Variants in NSD2 observed in about 807,000 individuals in gnomAD.
NSD2 encodes the protein histone-lysine N-methyltransferase NSD2.
In NSD2, 12 loss-of-function variants were observed where a neutral mutation model predicts 139.0. The observed-to-expected ratio is 0.09, with a 90% CI of 0.06 to 0.14. The LOEUF is 0.14. NSD2 is among the 10% of genes least tolerant of loss of function. NSD2 has a pLI of 1.00. For synonymous variants in NSD2, 669 were observed against 648.7 expected (o/e 1.03, Z -0.48); for missense variants, 1,155 against 1,745.0 (o/e 0.66, Z 6.02).
At position 1,971,197 on chromosome 4, in the gene NSD2, A is replaced by T. The variant is rs572211378; in HGVS notation, c.3373-3666A>T. 2.7e-4 allele frequency among the ~76,000 whole-genome samples: 41 copies of T among 150,388 alleles called. 1 individual carries two copies. The highest frequency in any genetic ancestry group is 3.4e-3 in the Middle Eastern group (1 of 290). On this transcript the variant is annotated intron_variant, in intron 18 of 21. Coordinates refer to ENST00000508803, the MANE Select transcript of NSD2 (RefSeq NM_001042424.3). ...AACATAGGGAGACCCTGTCTCAATT[A>T]AAAAAAAATTGTGGCCAAAGGTATG...
intron 9 of NSD2, chr4:1,946,796 TC>T: frequency 9.5e-7 from 1 of 1,054,014 alleles, no homozygotes; most frequent in Non-Finnish European, 1.1e-6. Flanking sequence ...GGAGCATGCT[TC>T]CTTTGGGACA....
At chr4:1,875,237 G>A (rs1445320373) in intron 1 of NSD2, among the ~76,000 whole-genome samples, 1 of 151,218 alleles carries the variant, frequency 6.6e-6, no homozygotes. Context: ...GGGATTACAA[G>A]TGTGAACCAC....
chr4:1,942,016 C>A lies in NSD2; in HGVS notation c.1881+2238C>A. 1 of 1,145,286 alleles carries A rather than the reference C, an allele frequency of 8.7e-7. No individual in the cohort carries two copies. The highest frequency in any genetic ancestry group is 4.4e-5 in the Admixed American group (1 of 22,592). The allele number at this position is 1,145,286 out of a possible 1,614,324, so 70.9% of individuals were successfully genotyped here. ...ACTGACACACACCCATTGGGTCACA[C>A]CCCCTTTGCATGTTTGTATTTCCTC... On this transcript the variant is annotated intron_variant, in intron 9 of 21. Coordinates refer to ENST00000508803, the MANE Select transcript of NSD2 (RefSeq NM_001042424.3). This position sits in a 1 kb window ranked among gnomAD's most constrained non-coding sequence, Gnocchi z 4.0.
At chr4:1,947,678 T>C in intron 9 of NSD2, 1 of 1,054,914 alleles carries the variant, frequency 9.5e-7, no homozygotes, top group Non-Finnish European at 1.1e-6. Context: ...CTGTTGTCAT[T>C]TGTAAACGCA....
intron 3 of NSD2, among the ~76,000 whole-genome samples, chr4:1,916,336 C>CT (rs1376487968): frequency 2.6e-5 from 4 of 152,000 alleles, no homozygotes; most frequent in South Asian, 2.1e-4. Context: ...TTTTCTTTTT[C>CT]TTTTTTTTCC....
chr4:1,885,145 C>G (rs1215109031), intron 1 of NSD2, among the ~76,000 whole-genome samples: 1 of 151,920 alleles, frequency 6.6e-6, no homozygotes, highest in Non-Finnish European at 1.5e-5. Context: ...AAATAAAATT[C>G]AACTGCCTGT....
chr4:1,955,049 AT>A lies in NSD2; in HGVS notation c.2339-108del. 1 of 1,179,062 alleles carries A rather than the reference AT, an allele frequency of 8.5e-7. No individual in the cohort carries two copies. Among genetic ancestry groups the A allele is most frequent in the Non-Finnish European group, 1.2e-6 (1 of 853,652 alleles). 73.0% of individuals were successfully genotyped at this position (1,179,062 alleles called of 1,614,324 possible). ...TTTTTAAATCAAATACCTCCATTTCATTTTAGCATTAACTTTTCAAATTCAT... is the reference window on the plus strand; with the variant it reads ...TTTTTAAATCAAATACCTCCATTTCATTTAGCATTAACTTTTCAAATTCAT... On this transcript the variant is annotated intron_variant, in intron 12 of 21. Transcript: ENST00000508803. The surrounding 1 kb of genome is among the most constrained non-coding windows in gnomAD (Gnocchi z 4.7).
At chr4:1,914,269 C>T (rs1246189531) in intron 3 of NSD2, among the ~76,000 whole-genome samples, 1 of 152,082 alleles carries the variant, frequency 6.6e-6, no homozygotes, top group Non-Finnish European at 1.5e-5. Context: ...GTATTCTACC[C>T]GCCTTGGCCT....
At chr4:1,880,123 TAGG>T (rs1577352320) in intron 1 of NSD2, among the ~76,000 whole-genome samples, 1 of 152,288 alleles carries the variant, frequency 6.6e-6, no homozygotes, top group East Asian at 1.9e-4. Context: ...GTGTTAGAAA[TAGG>T]AGGCTTCTGT....
intron 1 of NSD2, among the ~76,000 whole-genome samples, chr4:1,874,775 A>G (rs1236083948): frequency 6.6e-6 from 1 of 152,170 alleles, no homozygotes; most frequent in African/African-American, 2.4e-5. Flanking sequence ...AAAAAAATAT[A>G]AAGTACACAG....
At chr4:1,952,721 CTGT>C (rs1395107833) in intron 11 of NSD2, 2 of 1,075,638 alleles carry the variant, frequency 1.9e-6, no homozygotes, top group Non-Finnish European at 2.3e-6. Flanking sequence ...GTTGTCAGTG[CTGT>C]TGTTCTGCCT....
intron 5 of NSD2, among the ~76,000 whole-genome samples, chr4:1,924,427 A>G (rs921834221): frequency 2.0e-5 from 3 of 152,048 alleles, no homozygotes; most frequent in African/African-American, 7.2e-5. Context: ...CCTGTTCACT[A>G]GTTTGGAATT....
rs886059337 is a variant in NSD2, at chr4:1,981,721, G to A, written c.*2812G>A. On this transcript the variant is annotated 3_prime_UTR_variant, in exon 22 of 22. Coordinates refer to ENST00000508803, the MANE Select transcript of NSD2 (RefSeq NM_001042424.3). ...TTGTCTGTCTTGACATCTAAACCCC[G>A]GCGTGTGCAGTGCCCATCTTCCAGG... 135 of 396,036 alleles carry A rather than the reference G, an allele frequency of 3.4e-4. No homozygotes were observed. Among genetic ancestry groups the A allele is most frequent in the Admixed American group, 8.8e-5 (2 of 22,648 alleles). The allele number at this position is 396,036 out of a possible 1,614,324, so 24.5% of individuals were successfully genotyped here.
chr4:1,937,751 G>A (rs1050702912), intron 7 of NSD2, among the ~76,000 whole-genome samples: 2 of 152,186 alleles, frequency 1.3e-5, no homozygotes, highest in African/African-American at 4.8e-5. Flanking sequence ...TGGAGTATGA[G>A]TGCAGGAGTG....
chr4:1,946,474 T>C (rs1239897719), intron 9 of NSD2: 1 of 702,030 alleles, frequency 1.4e-6, no homozygotes, highest in African/African-American at 1.9e-5. Context: ...TTTCGCCATA[T>C]TGGCCAGGCT....
intron 3 of NSD2, among the ~76,000 whole-genome samples, chr4:1,905,301 T>G (rs1173765576): frequency 1.3e-5 from 2 of 152,198 alleles, no homozygotes; most frequent in Non-Finnish European, 2.9e-5. Context: ...ATGTGGCGAG[T>G]GCGGAGTTAG....
At chr4:1,959,810 C>G in intron 17 of NSD2, 70 bp downstream of exon 17, 1 of 1,572,798 alleles carries the variant, frequency 6.4e-7, no homozygotes, top group Non-Finnish European at 8.7e-7. Flanking sequence ...CCTAGGTTTG[C>G]TTGTGGTGGT....
At chr4:1,910,480 A>G (rs935022447) in intron 3 of NSD2, among the ~76,000 whole-genome samples, 4 of 152,108 alleles carry the variant, frequency 2.6e-5, no homozygotes, top group Non-Finnish European at 2.9e-5. Flanking sequence ...GAAGATAACT[A>G]TATGTTTTAG....
intron 5 of NSD2, among the ~76,000 whole-genome samples, chr4:1,929,798 G>T (rs1367197020): frequency 6.6e-6 from 1 of 152,134 alleles, no homozygotes; most frequent in Admixed American, 6.5e-5. Flanking sequence ...TCGGACTTGG[G>T]GACACATTAG....
Sources: allele counts gnomAD v4.1 joint callset (sites outside exome capture counted in the v4.1 genomes callset), GRCh38; gene constraint gnomAD v4.1.1; non-coding constraint Gnocchi (gnomAD v3.1); transcripts MANE v1.5; gene names NCBI Gene and HGNC (gene_info 2026-07-23, HGNC 2026-07-21).